Variants in IMPA2 observed in about 807,000 individuals in gnomAD.
IMPA2 encodes IMP 2.
Under a neutral mutation model 35.1 loss-of-function variants are expected in IMPA2, and 32 were observed. The observed-to-expected ratio is 0.91, with a 90% CI of 0.69 to 1.23. The LOEUF (loss-of-function observed/expected upper bound fraction) is 1.23. Ranked by LOEUF, IMPA2 falls within the 50% of genes most tolerant of loss-of-function variation. The probability of loss-of-function intolerance (pLI) is 0.00; values close to 1 mark genes in which losing one functional copy is unlikely to be tolerated. For synonymous variants in IMPA2, 135 were observed against 160.6 expected, an observed-to-expected ratio of 0.84 and a Z score of 1.20; for missense variants, 334 against 387.6, an observed-to-expected ratio of 0.86 and a Z score of 1.16.
intron 3 of IMPA2, among the ~76,000 whole-genome samples, chr18:12,011,791 G>C (rs530004070): frequency 6.6e-6 from 1 of 152,340 alleles, no homozygotes; most frequent in Non-Finnish European, 1.5e-5. Flanking sequence ...TGCCTTCTGG[G>C]ACCACCTGCC....
chr18:12,024,847 C>T (rs887811627), intron 5 of IMPA2, among the ~76,000 whole-genome samples: 20 of 151,966 alleles, frequency 1.3e-4, no homozygotes, highest in East Asian at 3.9e-4. Flanking sequence ...CCTCCTGTCC[C>T]CACACACGTA....
intron 2 of IMPA2, 88 bp from the exon 3 acceptor site, chr18:12,009,795 C>G (rs1376536329): frequency 1.1e-6 from 1 of 948,014 alleles, no homozygotes; most frequent in African/African-American, 1.6e-5. Context: ...GCTGTGCCAC[C>G]TTTTTCTTTA....
At chr18:12,007,638 T>TCTTC (rs2143800482) in intron 2 of IMPA2, among the ~76,000 whole-genome samples, 1 of 88,298 alleles carries the variant, frequency 1.1e-5, no homozygotes, top group East Asian at 2.5e-4. Flanking sequence ...CTTCTTTCTT[T>TCTTC]CTTTCTTTCT....
chr18:12,003,529 T>G (rs1907169795), intron 2 of IMPA2, among the ~76,000 whole-genome samples: 1 of 151,920 alleles, frequency 6.6e-6, no homozygotes, highest in South Asian at 2.1e-4. Context: ...CGCATGCCTG[T>G]AGTCCCAGCT....
chr18:11,985,314 A>G (rs72871702), intron 1 of IMPA2, among the ~76,000 whole-genome samples: 15,237 of 152,206 alleles, frequency 0.1, 961 homozygotes, highest in East Asian at 0.28. Flanking sequence ...ACTGCTTCTC[A>G]TACTTCCGTA....
intron 5 of IMPA2, among the ~76,000 whole-genome samples, chr18:12,024,667 T>A (rs1002977927): frequency 6.6e-6 from 1 of 152,034 alleles, no homozygotes; most frequent in East Asian, 1.9e-4. Flanking sequence ...AGCCATCCCA[T>A]TTTTTTCTTT....
At chr18:11,996,120 G>T (rs886862138) in intron 1 of IMPA2, among the ~76,000 whole-genome samples, 2 of 152,190 alleles carry the variant, frequency 1.3e-5, no homozygotes, top group African/African-American at 4.8e-5. Context: ...GTTTCAGATG[G>T]GATATGGTAA....
chr18:12,027,342 G>C (rs1907907967), intron 5 of IMPA2, among the ~76,000 whole-genome samples: 1 of 152,204 alleles, frequency 6.6e-6, no homozygotes, highest in African/African-American at 2.4e-5. Flanking sequence ...ATAAACGGCA[G>C]GCCATGAATT....
Position 12,008,836 on chromosome 18 carries a change from GAC to G in IMPA2, c.231-1046_231-1045del, listed in dbSNP as rs3837886. Among the ~76,000 whole-genome samples, 55 of 152,298 alleles carry G rather than the reference GAC, an allele frequency of 3.6e-4. 2 individuals carry two copies. In the East Asian group the frequency reaches 0.011, roughly 29 times the overall value. On this transcript the variant is annotated intron_variant, in intron 2 of 7. Transcript: ENST00000269159. ...TCTCGGTCAGGTTCCTAGCAGGACAGACGCACACTCAAGTGAGGATTGTAGGG... is the reference window on the plus strand; with the variant it reads ...TCTCGGTCAGGTTCCTAGCAGGACAGGCACACTCAAGTGAGGATTGTAGGG...
intron 1 of IMPA2, among the ~76,000 whole-genome samples, chr18:11,998,589 T>C (rs1907023628): frequency 6.6e-6 from 1 of 152,224 alleles, no homozygotes; most frequent in Non-Finnish European, 1.5e-5. Context: ...AATAAGCTTT[T>C]ACTTTACACT....
intron 1 of IMPA2, among the ~76,000 whole-genome samples, chr18:11,988,929 C>T (rs1203642791): frequency 1.3e-5 from 2 of 152,158 alleles, no homozygotes; most frequent in Non-Finnish European, 2.9e-5. Flanking sequence ...TCAAGTGATT[C>T]TCCCACCTCA....
At chr18:12,008,205 A>G (rs957087149) in intron 2 of IMPA2, 11 of 436,514 alleles carry the variant, frequency 2.5e-5, no homozygotes, top group African/African-American at 2.0e-4. Flanking sequence ...CATGCTGGCC[A>G]GGCTGATCTC....
intron 5 of IMPA2, among the ~76,000 whole-genome samples, chr18:12,022,939 T>C (rs1402041987): frequency 9.4e-6 from 1 of 106,398 alleles, no homozygotes; most frequent in African/African-American, 3.6e-5. Context: ...CACGCCTGCC[T>C]AATTTTTTTT....
At position 12,030,327 on chromosome 18, in the gene IMPA2, CTCTG is replaced by C. The variant is rs751620875; in HGVS notation, c.752-9_752-6del. The stretch of plus-strand genomic sequence containing the variant: ...TCTGGTAACCCGGATGCCTGGCTCT[CTCTG>C]TCTGTCCCCAGGTGGACCCCTCGAC... On this transcript the variant is annotated splice_polypyrimidine_tract_variant and intron_variant, in intron 7 of 7. Transcript: ENST00000269159. 1.3e-5 allele frequency: 21 copies of C among 1,607,572 alleles called. No individual in the cohort carries two copies. In the Admixed American group the frequency reaches 1.3e-4, roughly 10 times the overall value.
intron 1 of IMPA2, among the ~76,000 whole-genome samples, chr18:11,983,006 G>C (rs1906551030): frequency 6.6e-6 from 1 of 152,068 alleles, no homozygotes. Flanking sequence ...GCTTTACCTT[G>C]GTGCAAATCC....
At chr18:11,998,918 T>TGGGGGGGGGGGGGGGGGGGGGGGGGGG in intron 1 of IMPA2, 136 bp from the exon 2 acceptor site, 1 of 78,744 alleles carries the variant, frequency 1.3e-5, no homozygotes, top group Non-Finnish European at 2.3e-5. Flanking sequence ...CCACACCTGC[T>TGGGGGGGGGGGGGGGGGGGGGGGGGGG]GCCCCCGCCG....
chr18:12,022,941 ATTT>A (rs35737614), intron 5 of IMPA2, among the ~76,000 whole-genome samples: 566 of 81,684 alleles, frequency 6.9e-3, no homozygotes, highest in African/African-American at 0.023. Flanking sequence ...CGCCTGCCTA[ATTT>A]TTTTTTTTTT....
At position 12,028,042 on chromosome 18, in the gene IMPA2, G is replaced by A; in HGVS notation, c.491-1G>A. On this transcript the variant is annotated splice_acceptor_variant, in intron 5 of 7. Coordinates refer to ENST00000269159, the MANE Select transcript of IMPA2 (RefSeq NM_014214.3). LOFTEE classifies it high-confidence loss of function. ...GTGACAGGAAATTCTTTTTATTGCA[G>A]ATCTCTCAAAGGCCTTGGTTCTGAC... 6.2e-7 allele frequency: 1 copy of A among 1,606,568 alleles called. No homozygotes were observed. The highest frequency in any genetic ancestry group is 8.5e-7 in the Non-Finnish European group (1 of 1,173,294).
chr18:12,013,256 C>T (rs547943720), intron 4 of IMPA2, among the ~76,000 whole-genome samples: 3 of 152,190 alleles, frequency 2.0e-5, no homozygotes, highest in South Asian at 2.1e-4. Flanking sequence ...CATTCCTCTG[C>T]ACTCTGGGAG....
Sources: gnomAD v4.1 joint callset for allele counts (sites outside exome capture counted in the v4.1 genomes callset) on GRCh38, gnomAD v4.1.1 for gene constraint, MANE v1.5 for transcripts, NCBI Gene and HGNC (gene_info 2026-07-23, HGNC 2026-07-21) for gene names.